The following TAF13 variants were observed in gnomAD, a reference collection of about 807,000 sequenced individuals.
TAF13 encodes the protein transcription initiation factor TFIID subunit 13.
A neutral mutation model predicts 18.7 loss-of-function variants in TAF13; 9 were observed. The observed-to-expected ratio is 0.48, with a 90% CI of 0.29 to 0.84. The LOEUF (loss-of-function observed/expected upper bound fraction) is 0.84, where lower values mean the gene tolerates loss of function less well. Ranked by LOEUF, TAF13 falls within the 40% of genes least tolerant of loss-of-function variation. The pLI, the probability that TAF13 is intolerant of heterozygous loss-of-function variation, is 0.08. For synonymous variants in TAF13, 49 were observed against 44.1 expected (o/e 1.11, Z -0.44); for missense variants, 105 against 146.5 (o/e 0.72, Z 1.46).
rs187544425 is a variant in TAF13, at chr1:109,070,214, T to C, written c.107-3982A>G. On this transcript the variant is annotated intron_variant, in intron 2 of 3. Coordinates refer to ENST00000338366, the MANE Select transcript of TAF13 (RefSeq NM_005645.4). Reference sequence around the variant, plus strand: ...TTTTCATCTTTCAAAACCTTGACGCTTTCTTTTTTTATTTTTATTTTTTGA... The same window carrying C: ...TTTTCATCTTTCAAAACCTTGACGCCTTCTTTTTTTATTTTTATTTTTTGA... Among the ~76,000 whole-genome samples the C allele has an allele frequency of 8.9e-3, 1,345 of 150,900 alleles. 22 individuals are homozygous for C. The highest frequency in any genetic ancestry group is 0.031 in the African/African-American group (1,288 of 41,406).
At chr1:109,071,479 A>G (rs1198819705) in intron 2 of TAF13, among the ~76,000 whole-genome samples, 2 of 150,056 alleles carry the variant, frequency 1.3e-5, no homozygotes, top group Non-Finnish European at 3.0e-5. Context: ...GCATGGTGGC[A>G]TGCACCTATA....
intron 2 of TAF13, among the ~76,000 whole-genome samples, chr1:109,066,475 G>A (rs1663952556): frequency 6.6e-6 from 1 of 152,064 alleles, no homozygotes; most frequent in African/African-American, 2.4e-5. Flanking sequence ...TGAACCCTAA[G>A]GTAAACAGTC....
chr1:109,066,234 T>C lies in TAF13; in HGVS notation c.107-2A>G, dbSNP rs1663949192. 6.3e-7 allele frequency: 1 copy of C among 1,590,670 alleles called. No individual in the cohort carries two copies. Among genetic ancestry groups the C allele is most frequent in the Non-Finnish European group, 8.5e-7 (1 of 1,171,418 alleles). ...CAAAGCCATACATCATACATCGCAC[T>C]GTAAAAGAACAATCACTTACTTTTG... On this transcript the variant is annotated splice_acceptor_variant, in intron 2 of 3. Transcript: ENST00000338366. LOFTEE classifies it high-confidence loss of function.
At chr1:109,073,485 T>C (rs943578649) in intron 2 of TAF13, among the ~76,000 whole-genome samples, 1 of 152,162 alleles carries the variant, frequency 6.6e-6, no homozygotes, top group Non-Finnish European at 1.5e-5. Flanking sequence ...TCTGGGATCG[T>C]TGCAGCCTCC....
At chr1:109,075,322 G>C (rs1339737573) in intron 1 of TAF13, among the ~76,000 whole-genome samples, 5 of 152,008 alleles carry the variant, frequency 3.3e-5, no homozygotes, top group Non-Finnish European at 7.4e-5. Flanking sequence ...ATGACCATAA[G>C]TTTTATTTTT....
chr1:109,074,649 C>G (rs374109913), intron 2 of TAF13, among the ~76,000 whole-genome samples: 3 of 151,828 alleles, frequency 2.0e-5, no homozygotes, highest in Non-Finnish European at 4.4e-5. Context: ...GCGTGGTGGC[C>G]GGCGCCAGTA....
At chr1:109,069,769 A>C (rs190465568) in intron 2 of TAF13, among the ~76,000 whole-genome samples, 1 of 152,168 alleles carries the variant, frequency 6.6e-6, no homozygotes, top group Non-Finnish European at 1.5e-5. Context: ...CCTACAGAAG[A>C]AAAGGGTGAC....
At chr1:109,067,010 C>T (rs7511817) in intron 2 of TAF13, among the ~76,000 whole-genome samples, 9,471 of 152,086 alleles carry the variant, frequency 0.062, 328 homozygotes, top group African/African-American at 0.084. Flanking sequence ...TGAGCCACCG[C>T]GCCCAGCCCC....
At chr1:109,075,122 T>C (rs1664158354) in intron 1 of TAF13, 57 bp from the exon 2 acceptor site, 1 of 1,431,860 alleles carries the variant, frequency 7.0e-7, no homozygotes, top group Non-Finnish European at 9.5e-7. Context: ...ATTTGATATT[T>C]TAATAATGAC....
At chr1:109,072,932 C>T (rs1664101245) in intron 2 of TAF13, among the ~76,000 whole-genome samples, 1 of 151,186 alleles carries the variant, frequency 6.6e-6, no homozygotes, top group African/African-American at 2.4e-5. Context: ...GGGGTTTCAT[C>T]ATGTTGGCCA....
At chr1:109,066,564 C>T (rs1339560347) in intron 2 of TAF13, among the ~76,000 whole-genome samples, 4 of 152,178 alleles carry the variant, frequency 2.6e-5, no homozygotes, top group Non-Finnish European at 4.4e-5. Flanking sequence ...TGGCAAAGGA[C>T]AGGACAGACA....
At chr1:109,065,194 A>C (rs773534737) in intron 3 of TAF13, among the ~76,000 whole-genome samples, 1 of 152,196 alleles carries the variant, frequency 6.6e-6, no homozygotes, top group Non-Finnish European at 1.5e-5. Flanking sequence ...CTAAATACTT[A>C]ATAATACGGC....
At chr1:109,066,547 G>T (rs183308442) in intron 2 of TAF13, among the ~76,000 whole-genome samples, 230 of 152,240 alleles carry the variant, frequency 1.5e-3, no homozygotes, top group African/African-American at 5.4e-3. Flanking sequence ...CTTTAAGTAG[G>T]AAACTCTGGC....
At chr1:109,066,706 T>TTTTGTTTG (rs561171126) in intron 2 of TAF13, among the ~76,000 whole-genome samples, 2 of 151,846 alleles carry the variant, frequency 1.3e-5, no homozygotes, top group African/African-American at 4.8e-5. Flanking sequence ...CAAATACTTT[T>TTTTGTTTG]TTTGTTTGTT....
chr1:109,073,589 G>A (rs868863916), intron 2 of TAF13, among the ~76,000 whole-genome samples: 7 of 152,092 alleles, frequency 4.6e-5, no homozygotes, highest in Admixed American at 2.0e-4. Context: ...GCTGGTCTCC[G>A]CTCCTGACCT....
rs768484453 is a variant in TAF13, at chr1:109,075,890, AGACAGGTTTTG to A, written c.27+20_27+30del. 3.7e-6 allele frequency: 6 copies of A among 1,614,058 alleles called. No individual in the cohort carries two copies. The South Asian group carries it at 6.6e-5, about 18-fold the overall frequency. The stretch of plus-strand genomic sequence containing the variant: ...TACTGAGCCCGAAGGAGTGAAGAAA[AGACAGGTTTTG>A]GACAGAGACGGTCACTCACCGTGGG... On this transcript the variant is annotated intron_variant, in intron 1 of 3. Transcript: ENST00000338366.
chr1:109,064,878 T>A (rs2102104580), intron 3 of TAF13, among the ~76,000 whole-genome samples, 185 bp from the exon 4 acceptor site: 1 of 152,272 alleles, frequency 6.6e-6, no homozygotes, highest in South Asian at 2.1e-4. Context: ...ATTAGCAATG[T>A]TCTCCTTTAT....
chr1:109,074,762 A>G (rs1664152818), intron 2 of TAF13, among the ~76,000 whole-genome samples: 1 of 151,310 alleles, frequency 6.6e-6, no homozygotes, highest in African/African-American at 2.4e-5. Context: ...CCTGGGCGAC[A>G]GAGCGAGACT....
intron 2 of TAF13, among the ~76,000 whole-genome samples, chr1:109,066,524 C>T (rs973786623): frequency 1.6e-4 from 25 of 152,130 alleles, no homozygotes; most frequent in African/African-American, 6.0e-4. Flanking sequence ...AGTCCCTGCC[C>T]CCAGCAGAAC....
Sources: gnomAD v4.1 joint callset for allele counts (sites outside exome capture counted in the v4.1 genomes callset) on GRCh38, gnomAD v4.1.1 for gene constraint, MANE v1.5 for transcripts, NCBI Gene and HGNC (gene_info 2026-07-23, HGNC 2026-07-21) for gene names.